Variants in DPH6 observed in about 807,000 individuals in gnomAD.
DPH6 encodes diphthamine biosynthesis 6.
Under a neutral mutation model 38.2 loss-of-function variants are expected in DPH6, and 33 were observed. That is an observed-to-expected ratio of 0.86 (90% CI 0.65 to 1.15). The LOEUF (loss-of-function observed/expected upper bound fraction) is 1.15. Among genes scored for constraint, DPH6 ranks in the 50% most tolerant of loss-of-function variants. The pLI is 0.00. For missense variants in DPH6, 325 were observed against 320.0 expected (o/e 1.02, Z -0.12); for synonymous variants, 108 against 103.0 (o/e 1.05, Z -0.30).
At chr15:35,430,183 C>CA (rs940957506) in intron 5 of DPH6, among the ~76,000 whole-genome samples, 8 of 152,056 alleles carry the variant, frequency 5.3e-5, no homozygotes, top group African/African-American at 1.9e-4. Context: ...AGTTTGAAGT[C>CA]ATGTGAATGC....
At chr15:35,245,201 A>G (rs2051627787) in intron 3 of DPH6, among the ~76,000 whole-genome samples, 1 of 144,872 alleles carries the variant, frequency 6.9e-6, no homozygotes, top group African/African-American at 2.6e-5. Context: ...AGGGGCAAAC[A>G]TTTATAAATA....
chr15:35,430,858 G>A (rs933458560), intron 5 of DPH6, among the ~76,000 whole-genome samples: 14 of 152,054 alleles, frequency 9.2e-5, no homozygotes, highest in African/African-American at 3.4e-4. Context: ...TATCTTTAAT[G>A]TGACAATGCA....
intron 5 of DPH6, among the ~76,000 whole-genome samples, chr15:35,417,655 G>T (rs897257419): frequency 2.6e-5 from 4 of 151,894 alleles, no homozygotes; most frequent in African/African-American, 9.7e-5. Context: ...CAATATATTT[G>T]CACTGAAATA....
rs1332781226 is a variant in DPH6 at position 35,273,044 on chromosome 15, G to A, written n.201-52462C>T. ...CCTGAGGACTATCACAAGCTGAGCA[G>A]ATGTCAGCACCATGCTTCCTGTACA... On this transcript the variant is annotated intron_variant and non_coding_transcript_variant, in intron 3 of 3. Coordinates refer to the DPH6 transcript ENST00000560386. Among the ~76,000 whole-genome samples the A allele has an allele frequency of 2.6e-5, 4 of 152,020 alleles. No homozygotes were observed. In the East Asian group the frequency reaches 7.7e-4, roughly 29 times the overall value.
At chr15:35,536,292 A>G (rs2055168028) in intron 3 of DPH6, among the ~76,000 whole-genome samples, 3 of 151,994 alleles carry the variant, frequency 2.0e-5, no homozygotes, top group Admixed American at 2.0e-4. Context: ...TATATTTCTG[A>G]TATTTATGTC....
At chr15:35,271,111 C>G (rs1184861361) in intron 3 of DPH6, among the ~76,000 whole-genome samples, 1 of 152,144 alleles carries the variant, frequency 6.6e-6, no homozygotes, top group Non-Finnish European at 1.5e-5. Flanking sequence ...ATAAGGCTTC[C>G]CTACAAAAGG....
chr15:35,276,628 A>G (rs1415136718), intron 3 of DPH6, among the ~76,000 whole-genome samples: 1 of 152,158 alleles, frequency 6.6e-6, no homozygotes, highest in Non-Finnish European at 1.5e-5. Context: ...AAAGATGAGG[A>G]TCCAGTTTCA....
rs200007245 is a variant in DPH6, at chr15:35,372,127, T to C, written c.*23A>G. ...TTTTTGTATAGAAATGGTGGTTTAA[T>C]GAACAATGTTCCAAAACACTTTTCA... On this transcript the variant is annotated 3_prime_UTR_variant, in exon 9 of 9. Transcript: ENST00000256538. 1.4e-4 allele frequency: 216 copies of C among 1,514,594 alleles called. 1 individual carries two copies. In the African/African-American group the frequency reaches 2.8e-3, roughly 20 times the overall value. The allele number at this position is 1,514,594 out of a possible 1,614,324, so 93.8% of individuals were successfully genotyped here.
chr15:35,442,987 A>G (rs1595566632), intron 5 of DPH6, among the ~76,000 whole-genome samples: 1 of 152,224 alleles, frequency 6.6e-6, no homozygotes, highest in East Asian at 1.9e-4. Flanking sequence ...CTGTGAATAC[A>G]CTAAAAAAAT....
rs1555401716 is a variant in DPH6 at position 35,436,505 on chromosome 15, A to AAAAAAACAAAAAAAC, written c.505+14179_505+14180insGTTTTTTTGTTTTTT. On this transcript the variant is annotated intron_variant, in intron 5 of 8. Coordinates refer to ENST00000256538, the MANE Select transcript of DPH6 (RefSeq NM_080650.4). Reference sequence around the variant, plus strand: ...AAAACAAAACAAAACAAAACAAAACAAAACAAAACAAAAAAGGTTCTCTCC... The same window carrying AAAAAAACAAAAAAAC: ...AAAACAAAACAAAACAAAACAAAACAAAAAAACAAAAAAACAAACAAAACAAAAAAGGTTCTCTCC... 1.6e-3 allele frequency among the ~76,000 whole-genome samples: 78 copies of AAAAAAACAAAAAAAC among 50,148 alleles called. 4 individuals carry two copies. The East Asian group carries it at 0.019, about 12-fold the overall frequency. 32.9% of individuals were successfully genotyped at this position (50,148 alleles called of 152,430 possible). A position where few individuals can be genotyped will look rare whatever the true frequency, so the allele number is the denominator to read the frequency against.
At chr15:35,211,922 G>A in the DPH6 span, among the ~76,000 whole-genome samples, 3 of 152,224 alleles carry the variant, frequency 2.0e-5, no homozygotes, top group South Asian at 6.2e-4. Context: ...CCCTTATAAG[G>A]CCTTCGGCTC....
chr15:35,290,952 A>C (rs1004886823), intron 3 of DPH6, among the ~76,000 whole-genome samples: 5 of 152,058 alleles, frequency 3.3e-5, no homozygotes, highest in Admixed American at 6.5e-5. Context: ...AAGAAACAAT[A>C]TCCACCATGT....
chr15:35,497,002 G>C (rs183146991), intron 3 of DPH6, among the ~76,000 whole-genome samples: 21 of 152,148 alleles, frequency 1.4e-4, no homozygotes, highest in African/African-American at 5.1e-4. Context: ...TTTAAGAAAG[G>C]CTTTCCTAAA....
intron 5 of DPH6, among the ~76,000 whole-genome samples, chr15:35,436,490 A>AAACAAAC (rs1354589608): frequency 0.017 from 663 of 39,688 alleles, 36 homozygotes; most frequent in African/African-American, 0.053. Context: ...AAAACAAAAC[A>AAACAAAC]AAACAAAACA....
chr15:35,500,182 A>G (rs2054608208), intron 3 of DPH6, among the ~76,000 whole-genome samples: 1 of 152,064 alleles, frequency 6.6e-6, no homozygotes, highest in Non-Finnish European at 1.5e-5. Context: ...TATCATAATC[A>G]CTCTATATAA....
At position 35,229,294 on chromosome 15, in the gene DPH6, TTTC is replaced by T. The variant is rs1361112494; in HGVS notation, n.201-8715_201-8713del. 2.7e-5 allele frequency among the ~76,000 whole-genome samples: 4 copies of T among 150,390 alleles called. No individual in the cohort carries two copies. In the South Asian group the frequency reaches 8.5e-4, roughly 32 times the overall value. On this transcript the variant is annotated intron_variant and non_coding_transcript_variant, in intron 3 of 3. Transcript: ENST00000560386. ...AGACTGTCTTCAAGTTCACTAATTC[TTTC>T]TTCTGCTTGATCAATTCTGCTATTA...
chr15:35,293,455 C>A (rs1055093908), intron 3 of DPH6, among the ~76,000 whole-genome samples: 3 of 152,172 alleles, frequency 2.0e-5, no homozygotes, highest in Non-Finnish European at 4.4e-5. Flanking sequence ...ACACTCTGAG[C>A]AGGAGAAGTG....
intron 3 of DPH6, among the ~76,000 whole-genome samples, chr15:35,245,232 C>CTTTTTTTT (rs71123123): frequency 1.2e-4 from 10 of 81,386 alleles, no homozygotes; most frequent in African/African-American, 1.8e-4. Context: ...ATTGTTCTTG[C>CTTTTTTTT]TTTTTTTTTT....
chr15:35,212,048 A>G, the DPH6 span, among the ~76,000 whole-genome samples: 1 of 152,212 alleles, frequency 6.6e-6, no homozygotes, highest in African/African-American at 2.4e-5. Flanking sequence ...TTAATGATAA[A>G]ATATCTGTGA....
Sources: gnomAD v4.1 joint callset for allele counts (sites outside exome capture counted in the v4.1 genomes callset) on GRCh38, gnomAD v4.1.1 for gene constraint, MANE v1.5 for transcripts, NCBI Gene and HGNC (gene_info 2026-07-23, HGNC 2026-07-21) for gene names.